Variants in CDCA5 observed in about 807,000 individuals in gnomAD.
The protein encoded by CDCA5 is cell division cycle associated 5.
Under a neutral mutation model 25.7 loss-of-function variants are expected in CDCA5, and 14 were observed. The observed-to-expected ratio is 0.54, with a 90% CI of 0.36 to 0.85. The LOEUF is 0.85. CDCA5 is among the 40% of genes least tolerant of loss of function. The probability of loss-of-function intolerance (pLI) is 0.01; values close to 1 mark genes in which losing one functional copy is unlikely to be tolerated. For missense variants in CDCA5, 307 were observed against 324.5 expected (o/e 0.95, Z 0.41); for synonymous variants, 127 against 128.7 (o/e 0.99, Z 0.09).
chr11:65,066,873 C>T, exon 5 of CDCA5: 1 of 1,289,330 alleles, frequency 7.8e-7, no homozygotes, highest in South Asian at 1.2e-5. Flanking sequence ...TCAGTGACTC[C>T]CGAAGCCTAG....
intron 4 of CDCA5, among the ~76,000 whole-genome samples, chr11:65,080,319 G>A (rs543857214): frequency 6.6e-6 from 1 of 152,296 alleles, no homozygotes; most frequent in African/African-American, 2.4e-5. Flanking sequence ...ATCTGCTGGT[G>A]CTGTCGCTTG....
intron 4 of CDCA5, chr11:65,067,018 C>T (rs528450460): frequency 2.0e-6 from 1 of 491,938 alleles, no homozygotes; most frequent in Non-Finnish European, 3.6e-6. Context: ...GCCCAGTCTT[C>T]CTGTCCCGGC....
chr11:65,067,776 GT>G (rs762656358), intron 3 of CDCA5: 390 of 1,263,756 alleles, frequency 3.1e-4, no homozygotes, highest in Non-Finnish European at 3.9e-4. Context: ...GGTAGTGAAG[GT>G]CAGGCCAGAG....
chr11:65,071,696 C>T (rs1420073542), intron 1 of CDCA5, among the ~76,000 whole-genome samples: 1 of 152,150 alleles, frequency 6.6e-6, no homozygotes, highest in Non-Finnish European at 1.5e-5. Context: ...ACACTATGGC[C>T]ACATGTTGGT....
At chr11:65,079,274 T>A (rs777878652) in intron 5 of CDCA5, 79 bp downstream of exon 5, 1 of 1,608,958 alleles carries the variant, frequency 6.2e-7, no homozygotes, top group Non-Finnish European at 8.5e-7. Flanking sequence ...GTGCTGCCTA[T>A]CCCCCAAAAG....
rs576626558 is a variant in CDCA5, at chr11:65,078,963, A to G, written c.*144T>C. ...GCTGCCGCTGCTGCCCAAGCCCTCA[A>G]AGGCAGACAGTCCTCATGCGCAGCA... On this transcript the variant is annotated 3_prime_UTR_variant, in exon 6 of 6. Coordinates refer to ENST00000275517, the MANE Select transcript of CDCA5 (RefSeq NM_080668.4). 1 of 1,274,380 alleles carries G rather than the reference A, an allele frequency of 7.8e-7. No individual in the cohort carries two copies. The highest frequency in any genetic ancestry group is 3.0e-5 in the East Asian group (1 of 33,822). The allele number at this position is 1,274,380 out of a possible 1,614,324, so 78.9% of individuals were successfully genotyped here. A position where few individuals can be genotyped will look rare whatever the true frequency, so the allele number is the denominator to read the frequency against.
chr11:65,062,412 A>G (rs1401393721), downstream of CDCA5, among the ~76,000 whole-genome samples: 2 of 151,930 alleles, frequency 1.3e-5, no homozygotes, highest in African/African-American at 2.4e-5. Context: ...CATGTCTCAG[A>G]CCCGGTCCCC....
intron 1 of CDCA5, among the ~76,000 whole-genome samples, chr11:65,071,278 A>C (rs1947337648): frequency 6.6e-6 from 1 of 150,966 alleles, no homozygotes; most frequent in South Asian, 2.1e-4. Flanking sequence ...TGCATACCCC[A>C]TATGTGGCAT....
At chr11:65,061,942 CAG>C (rs1339670766), downstream of CDCA5, among the ~76,000 whole-genome samples, 1 of 84,488 alleles carries the variant, frequency 1.2e-5, no homozygotes, top group African/African-American at 5.1e-5. Flanking sequence ...TTTTTTGAGA[CAG>C]AGTTTCGCTT....
downstream of CDCA5, among the ~76,000 whole-genome samples, chr11:65,065,244 T>C (rs1249023071): frequency 6.6e-6 from 1 of 152,160 alleles, no homozygotes; most frequent in African/African-American, 2.4e-5. Flanking sequence ...CAGTGAATAA[T>C]ACAAGCCTTA....
chr11:65,073,010 C>A (rs1196940864), downstream of CDCA5, among the ~76,000 whole-genome samples: 14 of 124,956 alleles, frequency 1.1e-4, no homozygotes, highest in Admixed American at 1.5e-3. Flanking sequence ...GTGGCATGAT[C>A]TTGGCTCACT....
At chr11:65,068,474 G>C in intron 2 of CDCA5, 2 of 1,277,946 alleles carry the variant, frequency 1.6e-6, no homozygotes, top group African/African-American at 1.5e-5. Flanking sequence ...GGAGGCCCTG[G>C]GGTTTCCCAT....
chr11:65,071,348 CT>C (rs763489252), intron 1 of CDCA5, among the ~76,000 whole-genome samples: 326 of 137,350 alleles, frequency 2.4e-3, no homozygotes, highest in Admixed American at 2.6e-3. Flanking sequence ...ACAGTTATTC[CT>C]TTTTTTTTTT....
At chr11:65,068,102 T>C (rs528882488) in exon 3 of CDCA5, 1 of 1,289,362 alleles carries the variant, frequency 7.8e-7, no homozygotes, top group African/African-American at 1.5e-5. Flanking sequence ...GGGTTCCAGT[T>C]GTTCTGAGGA....
downstream of CDCA5, among the ~76,000 whole-genome samples, chr11:65,073,928 G>C (rs1947389845): frequency 6.6e-6 from 1 of 152,162 alleles, no homozygotes; most frequent in Admixed American, 6.5e-5. Context: ...TGGAGAATCT[G>C]ATCAGTTTAG....
downstream of CDCA5, among the ~76,000 whole-genome samples, chr11:65,075,546 G>A (rs539942976): frequency 6.6e-6 from 1 of 151,914 alleles, no homozygotes; most frequent in African/African-American, 2.4e-5. Context: ...TCTAGTGGCT[G>A]TGGGGTGGGG....
intron 2 of CDCA5, chr11:65,068,208 C>T: frequency 1.2e-6 from 1 of 860,654 alleles, no homozygotes; most frequent in Non-Finnish European, 1.7e-6. Flanking sequence ...TCCTTGCCAT[C>T]TCCCTGTCTT....
Position 65,079,570 on chromosome 11 carries a change from G to A in CDCA5, c.461C>T (p.Ser154Phe), listed in dbSNP as rs1947519731. The change falls in exon 5 of 6, where the codon TCT (serine) becomes TTT (phenylalanine). Residue 154 changes from serine (S) to phenylalanine (F), a missense_variant. Physicochemically the swap from Ser to Phe is radical, Grantham distance 155. Coordinates refer to ENST00000275517, the MANE Select transcript of CDCA5 (RefSeq NM_080668.4). Reference sequence around the variant, plus strand: ...GCGGCCTGGGGTGGAGGTAGAGGCAGAGCCCAGGGTCTCCAGCCGGCTGTA... The same window carrying A: ...GCGGCCTGGGGTGGAGGTAGAGGCAAAGCCCAGGGTCTCCAGCCGGCTGTA... Reference protein sequence around the residue: ...RSYSRLETLGSASTSTPGRRS... With the variant: ...RSYSRLETLGFASTSTPGRRS... 1 of 1,613,950 alleles carries A rather than the reference G, an allele frequency of 6.2e-7. No homozygotes were observed. The highest frequency in any genetic ancestry group is 1.3e-5 in the African/African-American group (1 of 74,920).
chr11:65,061,555 A>G (rs1947186013), downstream of CDCA5, among the ~76,000 whole-genome samples: 1 of 152,106 alleles, frequency 6.6e-6, no homozygotes, highest in Admixed American at 6.6e-5. Flanking sequence ...CGTGCGGATC[A>G]TGAGGTGAGG....
Sources: gnomAD v4.1 joint callset for allele counts (sites outside exome capture counted in the v4.1 genomes callset) on GRCh38, gnomAD v4.1.1 for gene constraint, MANE v1.5 for transcripts, NCBI Gene and HGNC (gene_info 2026-07-23, HGNC 2026-07-21) for gene names.